Variants in EPHA2 observed in about 807,000 individuals in gnomAD.
The protein encoded by EPHA2 is EPH receptor A2, also known as ephrin type-A receptor 2.
Under a neutral mutation model 104.9 loss-of-function variants are expected in EPHA2, and 54 were observed. The ratio of observed to expected loss-of-function variants is 0.51; its 90% CI spans 0.41 to 0.65. EPHA2 has a LOEUF of 0.65. Ranked by LOEUF, EPHA2 falls within the 30% of genes least tolerant of loss-of-function variation. EPHA2 has a pLI of 0.00. For synonymous variants in EPHA2, 560 were observed against 559.1 expected, an observed-to-expected ratio of 1.00 and a Z score of -0.02; for missense variants, 1,117 against 1,369.5, an observed-to-expected ratio of 0.82 and a Z score of 2.91.
intron 3 of EPHA2, among the ~76,000 whole-genome samples, chr1:16,143,195 G>GATGA (rs2024860780): frequency 7.3e-6 from 1 of 136,448 alleles, no homozygotes; most frequent in East Asian, 2.0e-4. Flanking sequence ...TGGATGAATG[G>GATGA]ATGGATGGAT....
chr1:16,132,982 C>T, intron 11 of EPHA2, 198 bp downstream of exon 11: 1 of 589,378 alleles, frequency 1.7e-6, no homozygotes, highest in Non-Finnish European at 2.9e-6. Context: ...GAGGTGGGTG[C>T]AGGTATGGGG....
Position 16,133,188 on chromosome 1 carries a change from A to T in EPHA2, c.2045T>A (p.Ile682Asn), listed in dbSNP as rs773251029. The part of the protein sequence containing the change: ...HHNIIRLEGV[I>N]SKYKPMMIIT... ...CAGGCCCCAAGCCTCACATTTGGAG[A>T]TGACGCCCTCTAGGCGGATGATGTT... The change falls in exon 11 of 17, where the codon ATC becomes AAC. Residue 682 changes from isoleucine to asparagine, a missense_variant. Ile to Asn is a moderately radical substitution (Grantham distance 149, BLOSUM62 -3). Transcript: ENST00000358432. 2 of 1,613,392 alleles carry T rather than the reference A, an allele frequency of 1.2e-6. No homozygotes were observed. Among genetic ancestry groups the T allele is most frequent in the Admixed American group, 1.7e-5 (1 of 59,994 alleles).
intron 3 of EPHA2, among the ~76,000 whole-genome samples, chr1:16,138,831 C>G (rs187595028): frequency 6.6e-6 from 1 of 152,306 alleles, no homozygotes; most frequent in Admixed American, 6.5e-5. Context: ...CTAGCCTGTC[C>G]GGTCCCCACC....
intron 3 of EPHA2, among the ~76,000 whole-genome samples, chr1:16,144,684 G>A (rs1399822223): frequency 6.6e-6 from 1 of 152,216 alleles, no homozygotes; most frequent in African/African-American, 2.4e-5. Flanking sequence ...CAGGGCCACA[G>A]GTCCAGCCCA....
rs754842935 is a variant in EPHA2 at position 16,148,448 on chromosome 1, G to A, written c.753C>T (p.Gly251=). 5.6e-6 allele frequency: 9 copies of A among 1,613,642 alleles called. No homozygotes were observed. Among genetic ancestry groups the A allele is most frequent in the African/African-American group, 1.3e-5 (1 of 74,944 alleles). Reference sequence around the variant, plus strand: ...ACTGCCCAATGGGCACCAGCCACTCGCCATCCACTGCACAGTGCATACGGG... The same window carrying A: ...ACTGCCCAATGGGCACCAGCCACTCACCATCCACTGCACAGTGCATACGGG... The part of the protein sequence containing the change: ...EEPRMHCAVD[G]EWLVPIGQCL... Residue 251 remains glycine (G), a synonymous_variant, in exon 3 of 17, where the codon GGC becomes GGT. Transcript: ENST00000358432. The surrounding 1 kb of genome is among the most constrained non-coding windows in gnomAD (Gnocchi z 4.9).
chr1:16,133,501 C>T lies in EPHA2; in HGVS notation c.1844G>A (p.Arg615Gln), dbSNP rs371964322. Residue 615 changes from arginine to glutamine, a missense_variant, in exon 10 of 17, where the codon CGG becomes CAG. Around this residue, in one of 3 missense-constraint regions of EPHA2, gnomAD observed 113 missense variants for 104.3 expected, o/e 1.08. Coordinates refer to ENST00000358432, the MANE Select transcript of EPHA2 (RefSeq NM_004431.5). ...CTCACCTGCTCCGATCACCTTCTGC[C>T]GAGTGACACAGGATGGATGGATCTC... The part of the protein sequence containing the change: ...TTEIHPSCVT[R>Q]QKVIGAGEFG... 1.4e-5 allele frequency: 23 copies of T among 1,613,998 alleles called. No individual in the cohort carries two copies. In the African/African-American group the frequency reaches 1.6e-4, roughly 11 times the overall value.
chr1:16,132,676 G>A (rs1029714175), intron 11 of EPHA2, among the ~76,000 whole-genome samples: 3 of 151,550 alleles, frequency 2.0e-5, no homozygotes, highest in African/African-American at 7.3e-5. Context: ...TTGGGGAGGA[G>A]GGCACAGGTA....
rs1241929115 is a variant in EPHA2 at position 16,133,005 on chromosome 1, C to T, written c.2053+175G>A. 5 of 805,464 alleles carry T rather than the reference C, an allele frequency of 6.2e-6. No homozygotes were observed. In the East Asian group the frequency reaches 1.4e-4, roughly 22 times the overall value. The allele number at this position is 805,464 out of a possible 1,614,324, so 49.9% of individuals were successfully genotyped here. A position where few individuals can be genotyped will look rare whatever the true frequency, so the allele number is the denominator to read the frequency against. On this transcript the variant is annotated intron_variant, in intron 11 of 16. Transcript: ENST00000358432. Reference sequence around the variant, plus strand: ...TGCAGGTATGGGGGGAAGGTGGGCACAGGTGTTAGGAGGTGGGTACAGGTA... The same window carrying T: ...TGCAGGTATGGGGGGAAGGTGGGCATAGGTGTTAGGAGGTGGGTACAGGTA...
chr1:16,129,369 G>T (rs928515831), intron 16 of EPHA2, 65 bp downstream of exon 16: 51 of 1,568,106 alleles, frequency 3.3e-5, no homozygotes, highest in Non-Finnish European at 4.0e-5. Flanking sequence ...GCTGGGGGGG[G>T]CATGGAGGCA....
chr1:16,145,871 C>T (rs952224985), intron 3 of EPHA2, among the ~76,000 whole-genome samples: 2 of 152,232 alleles, frequency 1.3e-5, no homozygotes, highest in African/African-American at 4.8e-5. Context: ...TGACTTCAGG[C>T]AAGCCTCTTT....
At chr1:16,151,015 G>C in intron 1 of EPHA2, 52 bp from the exon 2 acceptor site, 1 of 1,587,058 alleles carries the variant, frequency 6.3e-7, no homozygotes. Context: ...TCAGGAGTCA[G>C]ACCATGGCAG....
At position 16,135,293 on chromosome 1, in the gene EPHA2, G is replaced by A; in HGVS notation, c.1429-104C>T. On this transcript the variant is annotated intron_variant, in intron 6 of 16. Coordinates refer to ENST00000358432, the MANE Select transcript of EPHA2 (RefSeq NM_004431.5). This position sits in a 1 kb window ranked among gnomAD's most constrained non-coding sequence, Gnocchi z 4.3. ...CAAGCTAGCAAGGTGGCTTGCCTTT[G>A]TTAGCAAACTTGAGGCTCTTCTTAC... The A allele has an allele frequency of 6.8e-7, 1 of 1,480,388 alleles. No individual in the cohort carries two copies. The highest frequency in any genetic ancestry group is 9.3e-7 in the Non-Finnish European group (1 of 1,071,316). The allele number at this position is 1,480,388 out of a possible 1,614,324, so 91.7% of individuals were successfully genotyped here. A position where few individuals can be genotyped will look rare whatever the true frequency, so the allele number is the denominator to read the frequency against.
chr1:16,127,612 C>T (rs2024493694), intron 16 of EPHA2, among the ~76,000 whole-genome samples: 1 of 152,194 alleles, frequency 6.6e-6, no homozygotes, highest in South Asian at 2.1e-4. Context: ...CGTTGGGACC[C>T]ATGGCGTGTG....
chr1:16,134,602 C>T lies in EPHA2; in HGVS notation c.1583-35G>A. On this transcript the variant is annotated intron_variant, in intron 7 of 16. Coordinates refer to ENST00000358432, the MANE Select transcript of EPHA2 (RefSeq NM_004431.5). This position sits in a 1 kb window ranked among gnomAD's most constrained non-coding sequence, Gnocchi z 4.5. ...GAAATCAGCTGATGACAAGGGAGTT[C>T]CCCCACAAATTACAGCAACACCCGC... 6.2e-7 allele frequency: 1 copy of T among 1,606,420 alleles called. No individual in the cohort carries two copies. Among genetic ancestry groups the T allele is most frequent in the Non-Finnish European group, 8.5e-7 (1 of 1,174,622 alleles).
chr1:16,152,288 G>A (rs764851761), intron 1 of EPHA2, among the ~76,000 whole-genome samples: 45 of 152,182 alleles, frequency 3.0e-4, no homozygotes, highest in Non-Finnish European at 1.3e-4. Flanking sequence ...ATGGGAGCTG[G>A]GCTCTGAGGG....
chr1:16,135,396 CTG>C lies in EPHA2; in HGVS notation c.1429-209_1429-208del, dbSNP rs2124214851. 6.6e-6 allele frequency among the ~76,000 whole-genome samples: 1 copy of C among 152,338 alleles called. No individual in the cohort carries two copies. The highest frequency in any genetic ancestry group is 1.5e-5 in the Non-Finnish European group (1 of 68,026). On this transcript the variant is annotated intron_variant, in intron 6 of 16. Coordinates refer to ENST00000358432, the MANE Select transcript of EPHA2 (RefSeq NM_004431.5). This position sits in a 1 kb window ranked among gnomAD's most constrained non-coding sequence, Gnocchi z 4.3. The stretch of plus-strand genomic sequence containing the variant: ...CTAAATGCATGAGCCAGGACTCAAA[CTG>C]AGTGTGTGGGGTCCCAAAATTCTGC...
rs374988801 is a variant in EPHA2 at position 16,148,811 on chromosome 1, G to A, written c.390C>T (p.Tyr130=). The change falls in exon 3 of 17, where the codon TAC becomes TAT. Residue 130 remains tyrosine, a synonymous_variant. Transcript: ENST00000358432. This position sits in a 1 kb window ranked among gnomAD's most constrained non-coding sequence, Gnocchi z 4.9. ...NLYYAESDLD[Y]GTNFQKRLFT... ...ACAGGCGCTTCTGGAAGTTGGTGCCGTAGTCCAGGTCCGACTCGGCATAGT... is the reference window on the plus strand; with the variant it reads ...ACAGGCGCTTCTGGAAGTTGGTGCCATAGTCCAGGTCCGACTCGGCATAGT... 43 of 1,614,012 alleles carry A rather than the reference G, an allele frequency of 2.7e-5. No individual in the cohort carries two copies. The East Asian group carries it at 2.9e-4, about 11-fold the overall frequency.
At chr1:16,136,750 A>G (rs1309488059) in intron 5 of EPHA2, among the ~76,000 whole-genome samples, 1 of 143,976 alleles carries the variant, frequency 6.9e-6, no homozygotes, top group Non-Finnish European at 1.5e-5. Flanking sequence ...GAAGAAGAAG[A>G]AGAAGAAGAA....
chr1:16,137,110 A>G (rs566322529), intron 5 of EPHA2, among the ~76,000 whole-genome samples: 15 of 152,110 alleles, frequency 9.9e-5, no homozygotes, highest in East Asian at 3.9e-4. Flanking sequence ...TCAATTCTCA[A>G]TTATTATCCC....
Sources: allele counts gnomAD v4.1 joint callset (sites outside exome capture counted in the v4.1 genomes callset), GRCh38; gene constraint gnomAD v4.1.1; regional missense constraint gnomAD v4.1.1; non-coding constraint Gnocchi (gnomAD v3.1); transcripts MANE v1.5; gene names NCBI Gene and HGNC (gene_info 2026-07-23, HGNC 2026-07-21).